Variants in CFAP20DC observed in about 807,000 individuals in gnomAD.
The protein encoded by CFAP20DC is CFAP20 domain containing.
CFAP20DC carries 84 observed loss-of-function variants against 101.7 expected under a neutral mutation model. The ratio of observed to expected loss-of-function variants is 0.83; its 90% CI spans 0.69 to 0.99. The LOEUF is 0.99. Ranked by LOEUF, CFAP20DC falls within the 50% of genes least tolerant of loss-of-function variation. The pLI, the probability that CFAP20DC is intolerant of heterozygous loss-of-function variation, is 0.00. For missense variants in CFAP20DC, 1,007 were observed against 970.3 expected (o/e 1.04, Z -0.50); for synonymous variants, 359 against 351.2 (o/e 1.02, Z -0.25).
intron 5 of CFAP20DC, among the ~76,000 whole-genome samples, chr3:58,917,751 T>C (rs951309089): frequency 1.3e-5 from 2 of 152,222 alleles, no homozygotes; most frequent in East Asian, 3.8e-4. Flanking sequence ...ATTGTAATTC[T>C]ATATTTACAA....
intron 4 of CFAP20DC, among the ~76,000 whole-genome samples, chr3:59,005,824 T>C (rs2093421215): frequency 2.6e-5 from 4 of 152,202 alleles, no homozygotes; most frequent in Admixed American, 2.6e-4. Flanking sequence ...TATTGATTAC[T>C]TTCATTTCTA....
chr3:58,744,450 AAAGACTAAT>A, intron 16 of CFAP20DC, among the ~76,000 whole-genome samples: 1 of 152,316 alleles, frequency 6.6e-6, no homozygotes, highest in East Asian at 1.9e-4. Context: ...TAGACATAGA[AAAGACTAAT>A]AAAAAATTTA....
chr3:58,930,652 C>G (rs1235734023), intron 5 of CFAP20DC, among the ~76,000 whole-genome samples: 2 of 152,244 alleles, frequency 1.3e-5, no homozygotes, highest in East Asian at 3.9e-4. Context: ...AGAAACAGTA[C>G]CCAGTTAGAC....
intron 16 of CFAP20DC, 38 bp downstream of exon 16, chr3:58,753,731 T>A (rs773870450): frequency 7.8e-7 from 1 of 1,289,392 alleles, no homozygotes; most frequent in Non-Finnish European, 1.1e-6. Context: ...AGTAAATTAT[T>A]TTTATTTTCT....
intron 16 of CFAP20DC, among the ~76,000 whole-genome samples, chr3:58,747,245 C>T (rs936925468): frequency 2.0e-5 from 3 of 152,132 alleles, no homozygotes; most frequent in Non-Finnish European, 4.4e-5. Flanking sequence ...TCAGCCTCAT[C>T]CACTCTGAAA....
In CFAP20DC at chr3:58,799,534, G is replaced by A. The variant is rs2073513552; in HGVS notation, c.2237+6861C>T. ...AGAGATGAGGGAAGTTCATTTTTAA[G>A]TGGTGAGATTCACTGAATTCAACAC... On this transcript the variant is annotated intron_variant, in intron 15 of 16. Transcript: ENST00000482387. This position sits in a 1 kb window ranked among gnomAD's most constrained non-coding sequence, Gnocchi z 4.9. 6.6e-6 allele frequency among the ~76,000 whole-genome samples: 1 copy of A among 152,138 alleles called. No homozygotes were observed. Among genetic ancestry groups the A allele is most frequent in the Non-Finnish European group, 1.5e-5 (1 of 68,022 alleles).
chr3:58,770,773 A>G (rs2070769837), intron 15 of CFAP20DC, among the ~76,000 whole-genome samples: 1 of 152,180 alleles, frequency 6.6e-6, no homozygotes, highest in African/African-American at 2.4e-5. Context: ...TTGGATTTGC[A>G]TTTGAGAAAG....
downstream of CFAP20DC, among the ~76,000 whole-genome samples, chr3:58,716,263 G>A (rs7627478): frequency 0.07 from 9,886 of 141,380 alleles, 355 homozygotes; most frequent in Non-Finnish European, 0.078. Flanking sequence ...CCGGGTTCAC[G>A]CCATTCTCCT....
intron 5 of CFAP20DC, among the ~76,000 whole-genome samples, chr3:58,917,496 G>A (rs1176910358): frequency 6.6e-6 from 1 of 152,122 alleles, no homozygotes; most frequent in East Asian, 1.9e-4. Flanking sequence ...TGACAAACAA[G>A]AAACCACAAT....
rs1299562956 is a variant in CFAP20DC at position 58,874,954 on chromosome 3, T to C, written c.716-4645A>G. On this transcript the variant is annotated intron_variant, in intron 7 of 16. Transcript: ENST00000482387. This position sits in a 1 kb window ranked among gnomAD's most constrained non-coding sequence, Gnocchi z 5.1. ...TAAATGAAATGAGTCAGAAGGGAAG[T>C]TGGATTAAATGACTCAAAAATGTCT... Among the ~76,000 whole-genome samples, 1 of 152,186 alleles carries C rather than the reference T, an allele frequency of 6.6e-6. No individual in the cohort carries two copies. The highest frequency in any genetic ancestry group is 1.5e-5 in the Non-Finnish European group (1 of 68,038).
At chr3:58,803,167 A>G (rs1006648257) in intron 15 of CFAP20DC, among the ~76,000 whole-genome samples, 5 of 152,126 alleles carry the variant, frequency 3.3e-5, no homozygotes, top group African/African-American at 7.2e-5. Context: ...TGTGGCCACC[A>G]CACTTTCCAG....
At chr3:59,010,980 C>T (rs761515435) in intron 4 of CFAP20DC, among the ~76,000 whole-genome samples, 2 of 152,076 alleles carry the variant, frequency 1.3e-5, no homozygotes, top group African/African-American at 2.4e-5. Context: ...ACAATAAAAT[C>T]AAGATGGAAA....
chr3:58,827,365 C>A (rs1166709703), intron 14 of CFAP20DC, among the ~76,000 whole-genome samples: 1 of 140,848 alleles, frequency 7.1e-6, no homozygotes, highest in African/African-American at 2.7e-5. Context: ...GGCTCACCAA[C>A]TGACAGCCAA....
chr3:58,783,768 G>A (rs891380468), intron 15 of CFAP20DC, among the ~76,000 whole-genome samples: 1 of 152,014 alleles, frequency 6.6e-6, no homozygotes, highest in Non-Finnish European at 1.5e-5. Flanking sequence ...CAGTCAGAAT[G>A]GCTATTACTA....
intron 13 of CFAP20DC, among the ~76,000 whole-genome samples, chr3:58,832,156 G>A (rs981406648): frequency 2.2e-4 from 34 of 152,118 alleles, no homozygotes; most frequent in Admixed American, 2.0e-3. Flanking sequence ...CCTCTGCCTC[G>A]TGTTCTGGGT....
At chr3:58,919,683 C>T (rs1424494605) in intron 5 of CFAP20DC, among the ~76,000 whole-genome samples, 1 of 152,176 alleles carries the variant, frequency 6.6e-6, no homozygotes, top group African/African-American at 2.4e-5. Context: ...TTTCTCTCAG[C>T]AGTTCTACAG....
intron 4 of CFAP20DC, among the ~76,000 whole-genome samples, chr3:59,012,677 A>G (rs1006732284): frequency 2.0e-5 from 3 of 152,238 alleles, no homozygotes; most frequent in Non-Finnish European, 4.4e-5. Context: ...AAACTGCATT[A>G]TAATTTTTTA....
intron 15 of CFAP20DC, among the ~76,000 whole-genome samples, chr3:58,765,804 T>C (rs1464387130): frequency 6.6e-6 from 1 of 152,208 alleles, no homozygotes; most frequent in African/African-American, 2.4e-5. Context: ...TCAGTGTACA[T>C]TTCTTATTCA....
In CFAP20DC at chr3:58,819,241, C is replaced by G. The variant is rs533919242; in HGVS notation, c.2175+12445G>C. Among the ~76,000 whole-genome samples the G allele has an allele frequency of 4.7e-3, 708 of 151,814 alleles. 8 individuals carry two copies. The highest frequency in any genetic ancestry group is 5.7e-3 in the Non-Finnish European group (385 of 67,956). On this transcript the variant is annotated intron_variant, in intron 14 of 16. Coordinates refer to ENST00000482387, the MANE Select transcript of CFAP20DC (RefSeq NM_001394063.1). ...ATCACAATTAAAAGAACTAGAAAAG[C>G]AAGAGCAAACACATTCAAAAGCTAG...
Sources: allele counts gnomAD v4.1 joint callset (sites outside exome capture counted in the v4.1 genomes callset), GRCh38; gene constraint gnomAD v4.1.1; non-coding constraint Gnocchi (gnomAD v3.1); transcripts MANE v1.5; gene names NCBI Gene and HGNC (gene_info 2026-07-23, HGNC 2026-07-21).